HERC2: variants seen among roughly 807,000 people sequenced by gnomAD.
The protein encoded by HERC2 is HECT and RLD domain containing E3 ubiquitin protein ligase 2.
A neutral mutation model predicts 537.7 loss-of-function variants in HERC2; 102 were observed. The ratio of observed to expected loss-of-function variants is 0.19; its 90% CI spans 0.16 to 0.22. The LOEUF is 0.22. Ranked by LOEUF, HERC2 falls within the 10% of genes least tolerant of loss-of-function variation. The pLI is 1.00. For synonymous variants in HERC2, 2,224 were observed against 2,466.2 expected (o/e 0.90, Z 2.91); for missense variants, 4,236 against 6,198.2 (o/e 0.68, Z 10.63).
intron 4 of HERC2, among the ~76,000 whole-genome samples, chr15:28,283,167 A>C (rs924465340): frequency 1.6e-4 from 25 of 152,252 alleles, no homozygotes; most frequent in African/African-American, 6.0e-4. Flanking sequence ...TGATGGCTTA[A>C]AAGTTCCCAA....
intron 2 of HERC2, among the ~76,000 whole-genome samples, chr15:28,308,398 G>A (rs945852014): frequency 8.5e-5 from 13 of 152,150 alleles, no homozygotes; most frequent in African/African-American, 2.9e-4. Context: ...TTTGTATGTT[G>A]ATTTCGTATA....
intron 4 of HERC2, among the ~76,000 whole-genome samples, chr15:28,281,904 G>A (rs1431653839): frequency 6.6e-6 from 1 of 152,002 alleles, no homozygotes; most frequent in East Asian, 1.9e-4. Context: ...CCTTCTGCTT[G>A]GCTGCAGAGC....
In HERC2 at chr15:28,175,561, T is replaced by C; in HGVS notation, c.9782A>G (p.His3261Arg). The change falls in exon 64 of 93, where the codon CAT becomes CGT. Residue 3261 changes from histidine to arginine, a missense_variant. Around this residue, in one of 27 missense-constraint regions of HERC2, gnomAD observed 93 missense variants for 265.1 expected, o/e 0.35. Coordinates refer to ENST00000261609, the MANE Select transcript of HERC2 (RefSeq NM_004667.6). ...GCAGTGCAGGGCCCCGACAGCCACA[T>C]GCACGATCTTCTTCCCTCTCAGCCC... ...VEGLRGKKIVHVAVGALHCLA... is the reference protein window; with the variant it reads ...VEGLRGKKIVRVAVGALHCLA... 2 of 1,614,102 alleles carry C rather than the reference T, an allele frequency of 1.2e-6. No homozygotes were observed. The highest frequency in any genetic ancestry group is 1.1e-5 in the South Asian group (1 of 91,056).
intron 44 of HERC2, among the ~76,000 whole-genome samples, chr15:28,206,811 C>T (rs1303427761): frequency 5.1e-5 from 6 of 116,614 alleles, no homozygotes; most frequent in African/African-American, 6.6e-5. Flanking sequence ...CCAGCCTGGG[C>T]GACAGACCAA....
chr15:28,245,424 G>C (rs541896876), intron 23 of HERC2, among the ~76,000 whole-genome samples: 2 of 152,020 alleles, frequency 1.3e-5, no homozygotes, highest in East Asian at 3.9e-4. Flanking sequence ...GTGTGCACCT[G>C]TGGTGCCAGC....
chr15:28,125,680 C>T (rs1889399564), intron 83 of HERC2, among the ~76,000 whole-genome samples: 1 of 150,198 alleles, frequency 6.7e-6, no homozygotes. Context: ...TTATTTTATA[C>T]TTTTTTTTTT....
intron 69 of HERC2, 152 bp from the exon 70 acceptor site, chr15:28,152,982 G>A: frequency 1.4e-6 from 1 of 726,828 alleles, no homozygotes; most frequent in Non-Finnish European, 2.2e-6. Flanking sequence ...TCAAATCAGG[G>A]CTTGGCTTCC....
intron 37 of HERC2, 47 bp from the exon 38 acceptor site, chr15:28,218,718 G>T: frequency 6.9e-7 from 1 of 1,438,862 alleles, no homozygotes; most frequent in South Asian, 1.1e-5. Flanking sequence ...AAGTAAAACT[G>T]GAAGATAGTC....
rs763074533 is a variant in HERC2 at position 28,256,165 on chromosome 15, C to T, written c.2670G>A (p.Leu890=). 10 of 1,602,056 alleles carry T rather than the reference C, an allele frequency of 6.2e-6. No individual in the cohort carries two copies. Among genetic ancestry groups the T allele is most frequent in the Non-Finnish European group, 7.6e-6 (9 of 1,179,796 alleles). Residue 890 remains leucine, a synonymous_variant, in exon 18 of 93, where the codon CTG becomes CTA. Transcript: ENST00000261609. Reference sequence around the variant, plus strand: ...GCAGCAGCACGGACCAGCCACTCTGCAGCACGGCCTGGGCGGCCGACTGCA... The same window carrying T: ...GCAGCAGCACGGACCAGCCACTCTGTAGCACGGCCTGGGCGGCCGACTGCA... ...STVQSAAQAV[L]QSGWSVLLPT... is the part of the protein sequence containing the mutation.
Position 28,271,032 on chromosome 15 carries a change from T to C in HERC2, c.1084-164A>G, listed in dbSNP as rs1397520525. On this transcript the variant is annotated intron_variant, in intron 9 of 92. Transcript: ENST00000261609. ...TATACATCTATATATTTATGCAGCA[T>C]ATAAACTGACTGTGTAAATGTCTAA... is the stretch of plus-strand genomic sequence containing the variant. 3.3e-5 allele frequency among the ~76,000 whole-genome samples: 5 copies of C among 152,228 alleles called. No individual in the cohort carries two copies. In the South Asian group the frequency reaches 6.2e-4, roughly 19 times the overall value.
chr15:28,259,006 A>G (rs950298443), intron 16 of HERC2, among the ~76,000 whole-genome samples: 10 of 152,250 alleles, frequency 6.6e-5, no homozygotes, highest in Non-Finnish European at 1.3e-4. Context: ...TGAGGGCCAA[A>G]AATCAGGAAA....
rs1438709221 is a variant in HERC2, at chr15:28,135,474, A to G, written c.12230+4T>C. On this transcript the variant is annotated splice_donor_region_variant and intron_variant, in intron 79 of 92. Transcript: ENST00000261609. Reference sequence around the variant, plus strand: ...AATGTTGAAATAATTTTTTCACATCATACCTTCTGTTGCCATGCCCCAACT... The same window carrying G: ...AATGTTGAAATAATTTTTTCACATCGTACCTTCTGTTGCCATGCCCCAACT... 2 of 1,606,362 alleles carry G rather than the reference A, an allele frequency of 1.2e-6. No homozygotes were observed. Among genetic ancestry groups the G allele is most frequent in the Non-Finnish European group, 1.7e-6 (2 of 1,173,120 alleles).
At chr15:28,209,888 C>T (rs936466284) in intron 44 of HERC2, among the ~76,000 whole-genome samples, 7 of 145,034 alleles carry the variant, frequency 4.8e-5, no homozygotes, top group Non-Finnish European at 1.1e-4. Context: ...AGTTTTTCAA[C>T]ACAAAAACAA....
Position 28,114,683 on chromosome 15 carries a change from C to T in HERC2, c.13842G>A (p.Gln4614=). 6 of 1,614,134 alleles carry T rather than the reference C, an allele frequency of 3.7e-6. No homozygotes were observed. The highest frequency in any genetic ancestry group is 4.2e-6 in the Non-Finnish European group (5 of 1,180,030). The part of the protein sequence containing the change: ...TVPSASGQDI[Q]LSSKHTHITL... ...TGATGTGTGTGTGCTTGGAGCTCAA[C>T]TGAATGTCCTGGCCACTGGCACTTG... is the stretch of plus-strand genomic sequence containing the variant. Residue 4614 remains glutamine, a synonymous_variant, in exon 90 of 93, where the codon CAG becomes CAA. Coordinates refer to ENST00000261609, the MANE Select transcript of HERC2 (RefSeq NM_004667.6).
At chr15:28,316,261 AAGTCCTACGGCT>A (rs1445536537) in intron 2 of HERC2, among the ~76,000 whole-genome samples, 6 of 143,850 alleles carry the variant, frequency 4.2e-5, no homozygotes, top group African/African-American at 1.5e-4. Flanking sequence ...ATTGTCATCA[AAGTCCTACGGCT>A]AAACCCTTTT....
chr15:28,166,767 A>G (rs954488775), intron 68 of HERC2, among the ~76,000 whole-genome samples: 1 of 151,680 alleles, frequency 6.6e-6, no homozygotes, highest in Non-Finnish European at 1.5e-5. Flanking sequence ...CCAGTGACCG[A>G]GTCCCAGTGA....
chr15:28,222,280 A>G, intron 35 of HERC2, 65 bp from the exon 36 acceptor site: 3 of 723,414 alleles, frequency 4.1e-6, no homozygotes. Flanking sequence ...TAATACACAC[A>G]AAACATTCAC....
intron 84 of HERC2, among the ~76,000 whole-genome samples, chr15:28,124,769 T>C (rs920037195): frequency 2.0e-5 from 3 of 152,224 alleles, no homozygotes; most frequent in Non-Finnish European, 2.9e-5. Context: ...AGGCTGGTCC[T>C]GAACTCCTGA....
At chr15:28,157,884 A>G (rs1156590251) in intron 69 of HERC2, among the ~76,000 whole-genome samples, 1 of 152,142 alleles carries the variant, frequency 6.6e-6, no homozygotes, top group Admixed American at 6.5e-5. Flanking sequence ...ATTTAGTGCT[A>G]TAAATTTCCC....
Sources: gnomAD v4.1 joint callset for allele counts (sites outside exome capture counted in the v4.1 genomes callset) on GRCh38, gnomAD v4.1.1 for gene constraint, gnomAD v4.1.1 regional missense constraint, MANE v1.5 for transcripts, NCBI Gene and HGNC (gene_info 2026-07-23, HGNC 2026-07-21) for gene names.